NBEA: variants seen among roughly 807,000 people sequenced by gnomAD.
NBEA encodes the protein neurobeachin.
NBEA carries 44 observed loss-of-function variants against 343.4 expected under a neutral mutation model. That is an observed-to-expected ratio of 0.13 (90% CI 0.10 to 0.16). The LOEUF (loss-of-function observed/expected upper bound fraction) is 0.16, where lower values mean the gene tolerates loss of function less well. Among genes scored for constraint, NBEA ranks in the 10% least tolerant of loss-of-function variants. The pLI, the probability that NBEA is intolerant of heterozygous loss-of-function variation, is 1.00. For synonymous variants in NBEA, 1,175 were observed against 1,238.7 expected, an observed-to-expected ratio of 0.95 and a Z score of 1.08; for missense variants, 2,555 against 3,631.3, an observed-to-expected ratio of 0.70 and a Z score of 7.62.
chr13:35,310,621 C>A lies in NBEA; in HGVS notation c.5903+1029C>A, dbSNP rs1440725252. On this transcript the variant is annotated intron_variant, in intron 36 of 58. Transcript: ENST00000379939. ...TGCAGTGCTTTATTGGCAGTGGACA[C>A]ATTAAAACAGACGTAGCTGTCACCA... Among the ~76,000 whole-genome samples the A allele has an allele frequency of 5.9e-5, 9 of 152,272 alleles. No individual in the cohort carries two copies. The East Asian group carries it at 1.5e-3, about 26-fold the overall frequency.
At chr13:34,990,144 G>A (rs61947408) in intron 1 of NBEA, among the ~76,000 whole-genome samples, 5,622 of 151,028 alleles carry the variant, frequency 0.037, 370 homozygotes, top group South Asian at 0.058. Flanking sequence ...TAGGCACATG[G>A]TGCAAGCCGT....
At chr13:35,510,249 G>A (rs529891069) in intron 41 of NBEA, among the ~76,000 whole-genome samples, 2 of 152,264 alleles carry the variant, frequency 1.3e-5, no homozygotes, top group South Asian at 4.1e-4. Flanking sequence ...ACAGTGAGGT[G>A]TTCTAGAGAG....
intron 38 of NBEA, among the ~76,000 whole-genome samples, chr13:35,427,067 T>C (rs879134936): frequency 6.6e-6 from 1 of 152,132 alleles, no homozygotes; most frequent in South Asian, 2.1e-4. Context: ...ACTTCTTTGC[T>C]ATTGGTTAGA....
rs2085392455 is a variant in NBEA, at chr13:35,667,139, GACCAAGTATCT to G, written c.8465-231_8465-221del. 3.9e-5 allele frequency among the ~76,000 whole-genome samples: 6 copies of G among 152,208 alleles called. No homozygotes were observed. The South Asian group carries it at 1.2e-3, about 31-fold the overall frequency. On this transcript the variant is annotated intron_variant, in intron 56 of 58. Transcript: ENST00000379939. Reference sequence around the variant, plus strand: ...ATGAATATTACCTGACAAAGGAAAAGACCAAGTATCTACCTGGTGAAGAAGCGTGCGGCGTA... The same window carrying G: ...ATGAATATTACCTGACAAAGGAAAAGACCTGGTGAAGAAGCGTGCGGCGTA...
intron 17 of NBEA, among the ~76,000 whole-genome samples, chr13:35,125,176 T>C (rs2067053425): frequency 1.3e-5 from 2 of 152,118 alleles, no homozygotes; most frequent in African/African-American, 4.8e-5. Flanking sequence ...AAATGTACTC[T>C]CTATCACAAA....
At chr13:35,560,779 G>T (rs756841441) in intron 44 of NBEA, among the ~76,000 whole-genome samples, 69 of 152,248 alleles carry the variant, frequency 4.5e-4, no homozygotes, top group Non-Finnish European at 8.1e-4. Flanking sequence ...TGACTGGATT[G>T]GGGGCTTTCT....
intron 1 of NBEA, among the ~76,000 whole-genome samples, chr13:35,038,031 A>G (rs947772529): frequency 2.0e-5 from 3 of 152,164 alleles, no homozygotes; most frequent in Non-Finnish European, 2.9e-5. Context: ...TCTACCTGGC[A>G]TTCTGTTGTA....
intron 1 of NBEA, among the ~76,000 whole-genome samples, chr13:34,995,903 C>A (rs1024730451): frequency 2.0e-5 from 3 of 152,248 alleles, no homozygotes; most frequent in African/African-American, 7.2e-5. Flanking sequence ...AAGATGAATT[C>A]TCAGTCCTAC....
At chr13:34,961,628 C>T (rs2059665237) in intron 1 of NBEA, among the ~76,000 whole-genome samples, 1 of 151,970 alleles carries the variant, frequency 6.6e-6, no homozygotes, top group African/African-American at 2.4e-5. Context: ...ACTTCGGATA[C>T]AATGATCAAG....
intron 38 of NBEA, among the ~76,000 whole-genome samples, chr13:35,425,860 G>A (rs1441445593): frequency 6.6e-6 from 1 of 152,198 alleles, no homozygotes; most frequent in Non-Finnish European, 1.5e-5. Context: ...ATTTAGGATA[G>A]TTAGCTCTTC....
chr13:35,375,891 AATAG>A (rs1224036083), intron 38 of NBEA, among the ~76,000 whole-genome samples: 2 of 152,164 alleles, frequency 1.3e-5, no homozygotes, highest in Non-Finnish European at 2.9e-5. Flanking sequence ...ATTTACAGTT[AATAG>A]ATAAATTGTT....
At chr13:35,650,527 C>A (rs2084466304) in intron 52 of NBEA, among the ~76,000 whole-genome samples, 1 of 152,086 alleles carries the variant, frequency 6.6e-6, no homozygotes, top group African/African-American at 2.4e-5. Context: ...GATGGTGAAA[C>A]CCCGTCTCTA....
At chr13:35,173,077 G>A (rs74048931) in intron 26 of NBEA, among the ~76,000 whole-genome samples, 4,229 of 151,028 alleles carry the variant, frequency 0.028, 86 homozygotes, top group South Asian at 0.076. Flanking sequence ...CAAATTAAGG[G>A]CAGAAGCTTT....
chr13:35,407,463 A>T (rs1405054074), intron 38 of NBEA, among the ~76,000 whole-genome samples: 1 of 151,898 alleles, frequency 6.6e-6, no homozygotes, highest in Non-Finnish European at 1.5e-5. Flanking sequence ...CAGATTAAAG[A>T]ATCAAATATA....
chr13:35,386,631 T>C (rs1192545689), intron 38 of NBEA, among the ~76,000 whole-genome samples: 1 of 152,184 alleles, frequency 6.6e-6, no homozygotes, highest in Non-Finnish European at 1.5e-5. Flanking sequence ...GTAATAGTTA[T>C]TTCCCAAAGT....
chr13:35,142,919 A>G (rs1414193701), intron 18 of NBEA, among the ~76,000 whole-genome samples: 3 of 152,228 alleles, frequency 2.0e-5, no homozygotes, highest in African/African-American at 4.8e-5. Context: ...TTTCTAGGAA[A>G]TAGGTATACT....
chr13:35,459,346 G>T (rs922775179), intron 40 of NBEA, among the ~76,000 whole-genome samples: 1 of 152,090 alleles, frequency 6.6e-6, no homozygotes, highest in African/African-American at 2.4e-5. Flanking sequence ...GGAAGAGGGG[G>T]CATTATGTAG....
chr13:34,955,429 T>G (rs533989570), intron 1 of NBEA, among the ~76,000 whole-genome samples: 34 of 152,258 alleles, frequency 2.2e-4, no homozygotes, highest in Non-Finnish European at 3.8e-4. Flanking sequence ...ATTGTAGAGA[T>G]AGAAACAAAG....
chr13:35,356,751 G>T (rs2040511023), intron 38 of NBEA, among the ~76,000 whole-genome samples: 1 of 151,998 alleles, frequency 6.6e-6, no homozygotes, highest in African/African-American at 2.4e-5. Flanking sequence ...CATCTTCTCA[G>T]CCCATGGCTC....
Sources: allele counts gnomAD v4.1 joint callset (sites outside exome capture counted in the v4.1 genomes callset), GRCh38; gene constraint gnomAD v4.1.1; transcripts MANE v1.5; gene names NCBI Gene and HGNC (gene_info 2026-07-23, HGNC 2026-07-21).